The following PHLPP2 variants were observed in gnomAD, a reference collection of about 807,000 sequenced individuals.
PHLPP2 encodes PH domain leucine-rich repeat-containing protein phosphatase 2.
PHLPP2 carries 66 observed loss-of-function variants against 124.9 expected under a neutral mutation model. The ratio of observed to expected loss-of-function variants is 0.53; its 90% CI spans 0.43 to 0.65. The LOEUF is 0.65. Ranked by LOEUF, PHLPP2 falls within the 30% of genes least tolerant of loss-of-function variation. PHLPP2 has a pLI of 0.00. For synonymous variants in PHLPP2, 681 were observed against 624.7 expected (o/e 1.09, Z -1.34); for missense variants, 1,685 against 1,600.4 (o/e 1.05, Z -0.90).
chr16:71,676,244 G>C (rs2044944118), intron 9 of PHLPP2, among the ~76,000 whole-genome samples: 1 of 152,090 alleles, frequency 6.6e-6, no homozygotes, highest in South Asian at 2.1e-4. Flanking sequence ...AATTAGTAAA[G>C]CTCAAAGTAT....
chr16:71,709,604 A>C (rs1235342803), intron 2 of PHLPP2, among the ~76,000 whole-genome samples: 1 of 152,184 alleles, frequency 6.6e-6, no homozygotes, highest in Non-Finnish European at 1.5e-5. Flanking sequence ...CATTTTTATC[A>C]CTCGAAACAG....
At position 71,664,254 on chromosome 16, in the gene PHLPP2, C is replaced by T; in HGVS notation, c.1785-155G>A. The T allele has an allele frequency of 4.9e-6, 3 of 618,248 alleles. No homozygotes were observed. In the South Asian group the frequency reaches 6.0e-5, roughly 12 times the overall value. The allele number at this position is 618,248 out of a possible 1,614,324, so 38.3% of individuals were successfully genotyped here. A position where few individuals can be genotyped will look rare whatever the true frequency, so the allele number is the denominator to read the frequency against. Reference sequence around the variant, plus strand: ...TCCACGTAGTTTTTCTCTAATTGATCCTATCCAACCCAAAGTTCCTTTTAC... The same window carrying T: ...TCCACGTAGTTTTTCTCTAATTGATTCTATCCAACCCAAAGTTCCTTTTAC... On this transcript the variant is annotated intron_variant, in intron 12 of 18. Coordinates refer to ENST00000568954, the MANE Select transcript of PHLPP2 (RefSeq NM_015020.3).
In PHLPP2 at chr16:71,646,831, C is replaced by T. The variant is rs1426266937; in HGVS notation, c.*2059G>A. The T allele has an allele frequency of 6.6e-6, 1 of 152,170 alleles. No individual in the cohort carries two copies. Among genetic ancestry groups the T allele is most frequent in the Non-Finnish European group, 1.5e-5 (1 of 68,034 alleles). The allele number at this position is 152,170 out of a possible 1,614,324, so 9.4% of individuals were successfully genotyped here. A position where few individuals can be genotyped will look rare whatever the true frequency, so the allele number is the denominator to read the frequency against. On this transcript the variant is annotated 3_prime_UTR_variant, in exon 19 of 19. Transcript: ENST00000568954. Reference sequence around the variant, plus strand: ...AATCAAAGACCTGAGTTCTAAAATTCTCAATAGCTGACCAGTAGTTTGACA... The same window carrying T: ...AATCAAAGACCTGAGTTCTAAAATTTTCAATAGCTGACCAGTAGTTTGACA...
intron 8 of PHLPP2, chr16:71,677,034 G>A (rs938143569): frequency 9.0e-6 from 2 of 221,638 alleles, no homozygotes; most frequent in East Asian, 1.1e-4. Flanking sequence ...ATGAGCCACC[G>A]TGCCCGGCCC....
At chr16:71,714,335 A>C (rs1211060240) in intron 2 of PHLPP2, among the ~76,000 whole-genome samples, 177 bp downstream of exon 2, 1 of 152,200 alleles carries the variant, frequency 6.6e-6, no homozygotes, top group East Asian at 1.9e-4. Flanking sequence ...TCCTTGGTCA[A>C]TAGTTTTTAA....
At chr16:71,673,771 A>G (rs2044916309) in intron 9 of PHLPP2, among the ~76,000 whole-genome samples, 1 of 152,168 alleles carries the variant, frequency 6.6e-6, no homozygotes, top group African/African-American at 2.4e-5. Context: ...GTTTAGACAC[A>G]TTAAGGATAG....
intron 5 of PHLPP2, 27 bp downstream of exon 5, chr16:71,684,449 A>G (rs748389367): frequency 9.3e-6 from 15 of 1,612,296 alleles, no homozygotes; most frequent in Admixed American, 1.7e-5. Flanking sequence ...TCTTATCTCC[A>G]CATCAGAACA....
intron 16 of PHLPP2, 53 bp downstream of exon 16, chr16:71,656,518 G>A (rs1434097680): frequency 4.9e-6 from 5 of 1,029,418 alleles, no homozygotes; most frequent in Non-Finnish European, 7.7e-6. Context: ...CCAGTTCTCA[G>A]ATGCCAGGGG....
intron 2 of PHLPP2, among the ~76,000 whole-genome samples, chr16:71,709,290 T>C (rs1215169222): frequency 1.3e-5 from 2 of 152,148 alleles, no homozygotes; most frequent in African/African-American, 4.8e-5. Context: ...TTTTAGTGAC[T>C]CAGCAAATGG....
intron 2 of PHLPP2, among the ~76,000 whole-genome samples, chr16:71,713,887 T>C (rs920486701): frequency 6.7e-6 from 1 of 149,818 alleles, no homozygotes; most frequent in Admixed American, 6.7e-5. Context: ...TCTCACTCTA[T>C]ACCCTTTTTA....
chr16:71,678,564 C>G (rs574667116), intron 8 of PHLPP2, 191 bp downstream of exon 8: 4 of 549,966 alleles, frequency 7.3e-6, no homozygotes, highest in Non-Finnish European at 1.3e-5. Context: ...CGCCTGAGAA[C>G]GGGAGGTCAA....
chr16:71,722,158 G>A (rs941528872), intron 1 of PHLPP2, among the ~76,000 whole-genome samples: 6 of 152,152 alleles, frequency 3.9e-5, no homozygotes, highest in Non-Finnish European at 7.4e-5. Context: ...GAGGCCGGGC[G>A]TGGTGGCTCA....
Position 71,676,446 on chromosome 16 carries a change from C to G in PHLPP2, c.1471+1G>C. On this transcript the variant is annotated splice_donor_variant, in intron 9 of 18. Transcript: ENST00000568954. LOFTEE classifies it high-confidence loss of function. ...AACAAAAGGCTGCAGAGAAAACTCA[C>G]TGTTGGAACTGGCATAGAGGGTCCG... The G allele has an allele frequency of 6.2e-7, 1 of 1,612,698 alleles. No individual in the cohort carries two copies. Among genetic ancestry groups the G allele is most frequent in the Non-Finnish European group, 8.5e-7 (1 of 1,178,726 alleles).
At chr16:71,661,059 GTCTT>G (rs1296509722) in intron 13 of PHLPP2, among the ~76,000 whole-genome samples, 1 of 142,126 alleles carries the variant, frequency 7.0e-6, no homozygotes, top group Non-Finnish European at 1.5e-5. Flanking sequence ...GTTAATTCTT[GTCTT>G]TGTCTTTTTT....
At chr16:71,704,058 C>G (rs962701925) in intron 2 of PHLPP2, among the ~76,000 whole-genome samples, 3 of 152,122 alleles carry the variant, frequency 2.0e-5, no homozygotes, top group African/African-American at 7.2e-5. Flanking sequence ...CGCAGTGGCT[C>G]ACGCCTGTAA....
Position 71,674,768 on chromosome 16 carries a change from G to A in PHLPP2, c.1471+1679C>T, listed in dbSNP as rs548778761. 2.6e-5 allele frequency among the ~76,000 whole-genome samples: 4 copies of A among 152,268 alleles called. No homozygotes were observed. The South Asian group carries it at 8.3e-4, about 32-fold the overall frequency. On this transcript the variant is annotated intron_variant, in intron 9 of 18. Transcript: ENST00000568954. ...TCCCAACCCTTTGGGAGGCTGAGGT[G>A]GGCAGCTAACTAGAGGTTAGGAGTT...
chr16:71,702,848 T>G (rs1239238059), intron 2 of PHLPP2, 117 bp from the exon 3 acceptor site: 2 of 610,322 alleles, frequency 3.3e-6, no homozygotes, highest in African/African-American at 3.7e-5. Context: ...TTCTGTCACA[T>G]GAATATACTG....
intron 17 of PHLPP2, among the ~76,000 whole-genome samples, chr16:71,653,305 G>T (rs769789288): frequency 1.3e-5 from 2 of 151,636 alleles, no homozygotes; most frequent in Non-Finnish European, 1.5e-5. Flanking sequence ...CCTAATTCAG[G>T]GGCTCTCAAA....
At chr16:71,724,127 C>G (rs1421833589) in intron 1 of PHLPP2, 1 of 153,082 alleles carries the variant, frequency 6.5e-6, no homozygotes, top group Non-Finnish European at 1.5e-5. Context: ...TGGGCCTCCA[C>G]TGCCCGCCGC....
Sources: allele counts gnomAD v4.1 joint callset (sites outside exome capture counted in the v4.1 genomes callset), GRCh38; gene constraint gnomAD v4.1.1; transcripts MANE v1.5; gene names NCBI Gene and HGNC (gene_info 2026-07-23, HGNC 2026-07-21).